Variants in NUP98 observed in about 807,000 individuals in gnomAD.
NUP98 encodes the protein nucleoporin 98 and 96 precursor, also known as nuclear pore complex protein Nup98-Nup96.
In NUP98, 26 loss-of-function variants were observed where a neutral mutation model predicts 191.9. The ratio of observed to expected loss-of-function variants is 0.14; its 90% confidence interval spans 0.10 to 0.19. NUP98 has a LOEUF of 0.19. Ranked by LOEUF, NUP98 falls within the 10% of genes least tolerant of loss-of-function variation. The pLI is 1.00. For synonymous variants in NUP98, 808 were observed against 778.4 expected, an observed-to-expected ratio of 1.04 and a Z score of -0.63; for missense variants, 1,941 against 2,178.8, an observed-to-expected ratio of 0.89 and a Z score of 2.17.
intron 1 of NUP98, among the ~76,000 whole-genome samples, chr11:3,796,756 T>C (rs2082620111): frequency 6.6e-6 from 1 of 152,144 alleles, no homozygotes. Context: ...TTTCCCCATC[T>C]ACAAAACTGA....
chr11:3,683,512 G>A (rs999079221), intron 29 of NUP98, 71 bp from the exon 30 acceptor site: 17 of 1,550,334 alleles, frequency 1.1e-5, no homozygotes, highest in Non-Finnish European at 2.6e-6. Context: ...GCAGCTTAGA[G>A]TGGCCCTTGG....
intron 21 of NUP98, among the ~76,000 whole-genome samples, chr11:3,705,733 A>T (rs555910525): frequency 1.3e-5 from 2 of 152,354 alleles, no homozygotes; most frequent in Admixed American, 1.3e-4. Context: ...TAAAATTTTT[A>T]AATTTTGTGG....
rs118130072 is a variant in NUP98, at chr11:3,779,727, G to A, written c.77-470C>T. Among the ~76,000 whole-genome samples the A allele has an allele frequency of 8.1e-3, 1,235 of 152,106 alleles. 14 individuals carry two copies. The highest frequency in any genetic ancestry group is 0.011 in the Non-Finnish European group (747 of 68,012). ...ATCCCATCAGAGTATGAATTACAGA[G>A]TAAAAACCAAGCCACAGACATTTTA... is the stretch of plus-strand genomic sequence containing the variant. On this transcript the variant is annotated intron_variant, in intron 2 of 32. Coordinates refer to ENST00000324932, the MANE Select transcript of NUP98 (RefSeq NM_016320.5).
chr11:3,720,706 A>G lies in NUP98; in HGVS notation c.2260+6T>C. The G allele has an allele frequency of 5.4e-6, 8 of 1,483,784 alleles. No individual in the cohort carries two copies. The highest frequency in any genetic ancestry group is 7.5e-6 in the Non-Finnish European group (8 of 1,066,602). 91.9% of individuals were successfully genotyped at this position (1,483,784 alleles called of 1,614,324 possible). A position where few individuals can be genotyped will look rare whatever the true frequency, so the allele number is the denominator to read the frequency against. ...CTTAATCACTAAGTGCTAAACTCAC[A>G]CTTACCTTTCCGACCAATAGTGAAA... On this transcript the variant is annotated splice_donor_region_variant and intron_variant, in intron 17 of 32. Coordinates refer to ENST00000324932, the MANE Select transcript of NUP98 (RefSeq NM_016320.5).
chr11:3,740,206 G>C (rs1364667240), intron 12 of NUP98, among the ~76,000 whole-genome samples: 1 of 152,008 alleles, frequency 6.6e-6, no homozygotes, highest in Non-Finnish European at 1.5e-5. Flanking sequence ...AACAGGAAGA[G>C]GAAAGAATTA....
intron 10 of NUP98, among the ~76,000 whole-genome samples, chr11:3,758,272 T>A (rs1404208220): frequency 6.7e-6 from 1 of 148,408 alleles, no homozygotes; most frequent in Non-Finnish European, 1.5e-5. Context: ...AGTGAGCCCA[T>A]ATCTGGCCAC....
intron 25 of NUP98, among the ~76,000 whole-genome samples, chr11:3,696,276 C>T (rs184220910): frequency 1.1e-4 from 16 of 152,156 alleles, no homozygotes; most frequent in Admixed American, 9.2e-4. Context: ...CCAAGGCGGG[C>T]AAATCACTTG....
intron 28 of NUP98, among the ~76,000 whole-genome samples, chr11:3,690,524 T>C (rs1256026136): frequency 6.6e-6 from 1 of 152,196 alleles, no homozygotes; most frequent in African/African-American, 2.4e-5. Context: ...CCTCCAAAAA[T>C]GCTGGGATTA....
At chr11:3,741,016 T>A (rs2080264975) in intron 12 of NUP98, among the ~76,000 whole-genome samples, 1 of 151,636 alleles carries the variant, frequency 6.6e-6, no homozygotes, top group Non-Finnish European at 1.5e-5. Context: ...ATCATGGGGT[T>A]TTGCCATGTT....
At chr11:3,721,925 C>T (rs1173908017) in intron 16 of NUP98, among the ~76,000 whole-genome samples, 1 of 152,082 alleles carries the variant, frequency 6.6e-6, no homozygotes, top group Non-Finnish European at 1.5e-5. Context: ...GACCAAACTC[C>T]AGCCTCCAGC....
chr11:3,769,279 TAGTC>T (rs1427812207), intron 7 of NUP98, among the ~76,000 whole-genome samples: 1 of 151,888 alleles, frequency 6.6e-6, no homozygotes, highest in Admixed American at 6.6e-5. Context: ...TTTTAAAAAT[TAGTC>T]AGGCTAATGG....
chr11:3,723,931 T>C (rs923760730), intron 15 of NUP98, among the ~76,000 whole-genome samples: 1 of 151,370 alleles, frequency 6.6e-6, no homozygotes, highest in Admixed American at 6.6e-5. Context: ...AGTACAGGAA[T>C]ACCGGATAAT....
rs532906589 is a variant in NUP98, at chr11:3,768,758, GA to G, written c.785-15del. 951 of 794,736 alleles carry G rather than the reference GA, an allele frequency of 1.2e-3. No individual in the cohort carries two copies. Among genetic ancestry groups the G allele is most frequent in the South Asian group, 3.7e-3 (89 of 23,876 alleles). The allele number at this position is 794,736 out of a possible 1,614,324, so 49.2% of individuals were successfully genotyped here. A position where few individuals can be genotyped will look rare whatever the true frequency, so the allele number is the denominator to read the frequency against. ...ATCCAGTTGTACCTTTTAGGAAAAA[GA>G]AAAAAAAAAGAAAAAAGAAATAATA... On this transcript the variant is annotated splice_polypyrimidine_tract_variant and intron_variant, in intron 7 of 32. Coordinates refer to ENST00000324932, the MANE Select transcript of NUP98 (RefSeq NM_016320.5).
intron 12 of NUP98, among the ~76,000 whole-genome samples, chr11:3,744,147 A>T (rs2080399350): frequency 6.6e-6 from 1 of 152,244 alleles, no homozygotes; most frequent in Non-Finnish European, 1.5e-5. Flanking sequence ...ATATTGGAAG[A>T]AGTAAATAAA....
At chr11:3,683,111 A>G (rs2134015811) in intron 30 of NUP98, 89 bp downstream of exon 30, 1 of 1,552,960 alleles carries the variant, frequency 6.4e-7, no homozygotes, top group South Asian at 1.2e-5. Flanking sequence ...TCCTACGTTG[A>G]GTCTTATTTC....
At chr11:3,767,337 A>AT (rs1011199568) in intron 8 of NUP98, among the ~76,000 whole-genome samples, 2 of 147,788 alleles carry the variant, frequency 1.4e-5, no homozygotes, top group Admixed American at 6.8e-5. Flanking sequence ...TTTTTTTTTT[A>AT]TTTTTTTTGG....
At position 3,735,146 on chromosome 11, in the gene NUP98, C is replaced by A. The variant is rs778560873; in HGVS notation, c.1542+45G>T. On this transcript the variant is annotated intron_variant, in intron 13 of 32. Coordinates refer to ENST00000324932, the MANE Select transcript of NUP98 (RefSeq NM_016320.5). The stretch of plus-strand genomic sequence containing the variant: ...AAATTACATTCTGCACATTCAGTTT[C>A]TCTTTCTTTGATATGATATTTTACA... The A allele has an allele frequency of 2.3e-5, 34 of 1,500,524 alleles. 1 individual carries two copies. In the African/African-American group the frequency reaches 4.3e-4, roughly 19 times the overall value. 93.0% of individuals were successfully genotyped at this position (1,500,524 alleles called of 1,614,324 possible).
chr11:3,767,019 C>T lies in NUP98; in HGVS notation c.948+1562G>A, dbSNP rs557438998. On this transcript the variant is annotated intron_variant, in intron 8 of 32. Coordinates refer to ENST00000324932, the MANE Select transcript of NUP98 (RefSeq NM_016320.5). ...CCGCTCTGTCACCTAGGCTGGAGTGCAGTGGCAAAATCTCGGCTCACCGCA... is the reference window on the plus strand; with the variant it reads ...CCGCTCTGTCACCTAGGCTGGAGTGTAGTGGCAAAATCTCGGCTCACCGCA... Among the ~76,000 whole-genome samples the T allele has an allele frequency of 1.2e-3, 189 of 152,268 alleles. 1 individual carries two copies. Among genetic ancestry groups the T allele is most frequent in the African/African-American group, 4.3e-3 (178 of 41,562 alleles).
At chr11:3,787,348 A>G (rs542701807) in intron 1 of NUP98, among the ~76,000 whole-genome samples, 1 of 151,378 alleles carries the variant, frequency 6.6e-6, no homozygotes, top group South Asian at 2.1e-4. Flanking sequence ...TTGGAAGGCC[A>G]AGGTGGGCAG....
Sources: allele counts gnomAD v4.1 joint callset (sites outside exome capture counted in the v4.1 genomes callset), GRCh38; gene constraint gnomAD v4.1.1; transcripts MANE v1.5; gene names NCBI Gene and HGNC (gene_info 2026-07-23, HGNC 2026-07-21).